The following RGL1 variants were observed in gnomAD, a reference collection of about 807,000 sequenced individuals.
RGL1 encodes the protein ral guanine nucleotide dissociation stimulator-like 1.
A neutral mutation model predicts 95.2 loss-of-function variants in RGL1; 24 were observed. That is an observed-to-expected ratio of 0.25 (90% CI 0.18 to 0.35). The LOEUF (loss-of-function observed/expected upper bound fraction) is 0.35, where lower values mean the gene tolerates loss of function less well. RGL1 is among the 10% of genes least tolerant of loss of function. The pLI is 1.00. For synonymous variants in RGL1, 329 were observed against 344.9 expected (o/e 0.95, Z 0.51); for missense variants, 715 against 936.3 (o/e 0.76, Z 3.08).
At chr1:183,650,937 C>G (rs1176338819) in intron 1 of RGL1, among the ~76,000 whole-genome samples, 1 of 151,924 alleles carries the variant, frequency 6.6e-6, no homozygotes, top group Admixed American at 6.6e-5. Flanking sequence ...GGTATTTATT[C>G]TTCTGTGAAA....
chr1:183,735,581 T>C (rs571504285), intron 1 of RGL1, among the ~76,000 whole-genome samples: 2 of 152,284 alleles, frequency 1.3e-5, no homozygotes, highest in African/African-American at 2.4e-5. Flanking sequence ...TTGCCTTATA[T>C]AGATAGACTT....
At chr1:183,803,297 A>T (rs1181380351), upstream of RGL1, among the ~76,000 whole-genome samples, 1 of 152,172 alleles carries the variant, frequency 6.6e-6, no homozygotes, top group Non-Finnish European at 1.5e-5. Context: ...ATTTTTTTGG[A>T]TCACTTACCA....
intron 2 of RGL1, among the ~76,000 whole-genome samples, chr1:183,755,701 G>C (rs1313609698): frequency 6.6e-6 from 1 of 151,986 alleles, no homozygotes; most frequent in Non-Finnish European, 1.5e-5. Flanking sequence ...TTAAAAAACG[G>C]ACAATGGGAT....
chr1:183,819,997 A>G (rs1392278200), intron 2 of RGL1, among the ~76,000 whole-genome samples: 1 of 151,912 alleles, frequency 6.6e-6, no homozygotes, highest in African/African-American at 2.4e-5. Context: ...ATGTTGCCCA[A>G]GCTTGTCTTG....
At chr1:183,687,347 TAGA>T (rs375040205) in intron 1 of RGL1, among the ~76,000 whole-genome samples, 7 of 152,332 alleles carry the variant, frequency 4.6e-5, no homozygotes, top group African/African-American at 1.7e-4. Context: ...AATTAATTAA[TAGA>T]AGAAGTCTGG....
chr1:183,822,360 T>TA (rs1662548697), intron 2 of RGL1, among the ~76,000 whole-genome samples: 1 of 151,926 alleles, frequency 6.6e-6, no homozygotes, highest in East Asian at 1.9e-4. Flanking sequence ...ACATTTTTTT[T>TA]CTGAAACTTG....
At chr1:183,838,612 C>A (rs1192336089) in intron 2 of RGL1, among the ~76,000 whole-genome samples, 1 of 152,164 alleles carries the variant, frequency 6.6e-6, no homozygotes, top group Non-Finnish European at 1.5e-5. Context: ...CACATTTCTA[C>A]TTTCTTCATA....
rs1305293328 is a variant in RGL1, at chr1:183,806,212, C to T, written c.28-163C>T. ...CAAGCCAAGAAAATCTCAGCATTCC[C>T]TCTATCAAAATGTGTCTTGTATTGC... On this transcript the variant is annotated intron_variant, in intron 1 of 17. Coordinates refer to ENST00000360851, the MANE Select transcript of RGL1 (RefSeq NM_001297671.3). Among the ~76,000 whole-genome samples, 5 of 152,082 alleles carry T rather than the reference C, an allele frequency of 3.3e-5. No individual in the cohort carries two copies. In the East Asian group the frequency reaches 9.6e-4, roughly 29 times the overall value.
rs944384925 is a variant in RGL1 at position 183,875,938 on chromosome 1, T to C, written c.426-4678T>C. On this transcript the variant is annotated intron_variant, in intron 4 of 17. Transcript: ENST00000360851. ...CATCATGCTCCTTTCCCCCAACTCT[T>C]TATATTTTTTAGTTTAACAGATCTT... Among the ~76,000 whole-genome samples the C allele has an allele frequency of 3.7e-4, 56 of 152,016 alleles. 1 individual carries two copies. Among genetic ancestry groups the C allele is most frequent in the African/African-American group, 1.3e-3 (52 of 41,380 alleles).
At chr1:183,801,551 A>C (rs1660994153), upstream of RGL1, among the ~76,000 whole-genome samples, 1 of 152,120 alleles carries the variant, frequency 6.6e-6, no homozygotes, top group African/African-American at 2.4e-5. Flanking sequence ...TTTTGGTGTG[A>C]TATCCAAGAA....
At chr1:183,707,795 G>A (rs1022626609) in intron 1 of RGL1, among the ~76,000 whole-genome samples, 1 of 151,786 alleles carries the variant, frequency 6.6e-6, no homozygotes, top group Non-Finnish European at 1.5e-5. Flanking sequence ...AGGCTTGGGG[G>A]TTAAAGAAGA....
intron 1 of RGL1, among the ~76,000 whole-genome samples, chr1:183,740,474 T>G (rs1572353302): frequency 6.6e-6 from 1 of 152,226 alleles, no homozygotes; most frequent in Non-Finnish European, 1.5e-5. Flanking sequence ...TTTTCTTAAA[T>G]CCGCTGACCC....
rs1349122092 is a variant in RGL1, at chr1:183,648,692, A to G, written c.-33+12191A>G. On this transcript the variant is annotated intron_variant, in intron 1 of 18. Transcript: ENST00000304685. ...CACCTGTTCGAATATGGTAAGGACA[A>G]TTAGAGCAATCGAGAGAGAAGCTTA... 3 of 1,614,216 alleles carry G rather than the reference A, an allele frequency of 1.9e-6. No individual in the cohort carries two copies. The East Asian group carries it at 6.7e-5, about 36-fold the overall frequency.
intron 2 of RGL1, among the ~76,000 whole-genome samples, chr1:183,765,487 A>G (rs1658916338): frequency 6.6e-6 from 1 of 152,264 alleles, no homozygotes; most frequent in Non-Finnish European, 1.5e-5. Context: ...GAAACAAAAC[A>G]AAAAGAATCA....
intron 2 of RGL1, among the ~76,000 whole-genome samples, chr1:183,824,182 C>G (rs763296312): frequency 5.3e-5 from 8 of 152,080 alleles, no homozygotes; most frequent in Non-Finnish European, 1.2e-4. Flanking sequence ...GGCAGAACTA[C>G]CCATCCGTTG....
At chr1:183,648,776 C>T (rs1650505839) in intron 1 of RGL1, 1 of 1,587,986 alleles carries the variant, frequency 6.3e-7, no homozygotes, top group African/African-American at 1.4e-5. Context: ...CATATATGGG[C>T]TCCATTGCTA....
At chr1:183,779,732 T>A (rs1032077317) in intron 2 of RGL1, among the ~76,000 whole-genome samples, 2 of 152,094 alleles carry the variant, frequency 1.3e-5, no homozygotes, top group African/African-American at 4.8e-5. Flanking sequence ...TGGATTGTGT[T>A]GGAAACTTTA....
chr1:183,783,056 A>C (rs147111433), intron 2 of RGL1, among the ~76,000 whole-genome samples: 232 of 152,320 alleles, frequency 1.5e-3, no homozygotes, highest in Middle Eastern at 6.8e-3. Flanking sequence ...GTAGAGCTGC[A>C]TTCCCAGGAT....
chr1:183,716,900 A>C lies in RGL1; in HGVS notation c.-32-25226A>C, dbSNP rs550089363. ...ATGCAGTGAAGGTCCTGGTTCATGC[A>C]GCAAACTTTGTCTCATGTAGGACTT... On this transcript the variant is annotated intron_variant, in intron 1 of 18. Coordinates refer to the RGL1 transcript ENST00000304685. 2.6e-5 allele frequency among the ~76,000 whole-genome samples: 4 copies of C among 152,368 alleles called. No homozygotes were observed. The South Asian group carries it at 8.3e-4, about 32-fold the overall frequency.
Sources: allele counts gnomAD v4.1 joint callset (sites outside exome capture counted in the v4.1 genomes callset), GRCh38; gene constraint gnomAD v4.1.1; transcripts MANE v1.5; gene names NCBI Gene and HGNC (gene_info 2026-07-23, HGNC 2026-07-21).